The following NFXL1 variants were observed in gnomAD, a reference collection of about 807,000 sequenced individuals.
The protein encoded by NFXL1 is NF-X1-type zinc finger protein NFXL1.
Under a neutral mutation model 123.3 loss-of-function variants are expected in NFXL1, and 66 were observed. The observed-to-expected ratio is 0.54, with a 90% CI of 0.44 to 0.66. The LOEUF is 0.66. NFXL1 is among the 30% of genes least tolerant of loss of function. The pLI is 0.00. For synonymous variants in NFXL1, 346 were observed against 360.8 expected (o/e 0.96, Z 0.46); for missense variants, 944 against 1,125.6 (o/e 0.84, Z 2.31).
At chr4:47,901,453 A>G (rs1241251210) in intron 5 of NFXL1, among the ~76,000 whole-genome samples, 2 of 152,184 alleles carry the variant, frequency 1.3e-5, no homozygotes, top group East Asian at 1.9e-4. Context: ...AGAAGTGAGA[A>G]GAGCGAGGGT....
intron 3 of NFXL1, among the ~76,000 whole-genome samples, chr4:47,906,099 T>A (rs987232001): frequency 6.6e-6 from 1 of 152,180 alleles, no homozygotes; most frequent in African/African-American, 2.4e-5. Flanking sequence ...TATGCTGCAC[T>A]GCAGTGAGCA....
At chr4:47,859,481 T>G (rs929579762) in intron 19 of NFXL1, among the ~76,000 whole-genome samples, 1 of 152,144 alleles carries the variant, frequency 6.6e-6, no homozygotes, top group Non-Finnish European at 1.5e-5. Flanking sequence ...GTTAAATAAT[T>G]TTCCCAAGTA....
chr4:47,914,132 T>G lies in NFXL1; in HGVS notation c.72A>C (p.Ser24=). Residue 24 remains serine (S), a synonymous_variant, in exon 2 of 23, where the codon TCA becomes TCC. Transcript: ENST00000507489. ...RSRGRATAAP[S]GNGVHLRGAG... Reference sequence around the variant, plus strand: ...CGCCGCGGAGATGGACTCCATTTCCTGAGGGGGCGGCAGTGGCCCGTCCCC... The same window carrying G: ...CGCCGCGGAGATGGACTCCATTTCCGGAGGGGGCGGCAGTGGCCCGTCCCC... The G allele has an allele frequency of 6.4e-7, 1 of 1,552,782 alleles. No individual in the cohort carries two copies. Among genetic ancestry groups the G allele is most frequent in the Non-Finnish European group, 8.7e-7 (1 of 1,148,770 alleles).
At position 47,913,971 on chromosome 4, in the gene NFXL1, C is replaced by A. The variant is rs891239389; in HGVS notation, c.233G>T (p.Ser78Ile). ...GSQALQTTAA[S>I]ELMSQKKFEE... ...ACGCGGGCGGGAGCCATTCTCACCGCTGGCTGCGGTAGTCTGCAGGGCTTG... is the reference window on the plus strand; with the variant it reads ...ACGCGGGCGGGAGCCATTCTCACCGATGGCTGCGGTAGTCTGCAGGGCTTG... The change falls in exon 2 of 23, where the codon AGC (serine) becomes ATC (isoleucine). Residue 78 changes from serine to isoleucine, a missense_variant and splice_region_variant. Transcript: ENST00000507489. 2.6e-6 allele frequency: 4 copies of A among 1,543,298 alleles called. No individual in the cohort carries two copies. In the African/African-American group the frequency reaches 4.1e-5, roughly 16 times the overall value.
At chr4:47,887,303 G>A (rs1736496134) in intron 12 of NFXL1, among the ~76,000 whole-genome samples, 1 of 152,032 alleles carries the variant, frequency 6.6e-6, no homozygotes, top group Non-Finnish European at 1.5e-5. Context: ...AGCAAAACAT[G>A]GACCGGGAGT....
Position 47,896,557 on chromosome 4 carries a change from C to G in NFXL1, c.1295G>C (p.Arg432Pro). The change falls in exon 10 of 23, where the codon CGT becomes CCT. Residue 432 changes from arginine (R) to proline (P), a missense_variant. Arg to Pro is a moderately radical substitution (Grantham distance 103, BLOSUM62 -2). Coordinates refer to ENST00000507489, the MANE Select transcript of NFXL1 (RefSeq NM_001278624.2). ...LECGIHRCSQRCHRGPCETCR... is the reference protein window; with the variant it reads ...LECGIHRCSQPCHRGPCETCR... ...TGTTTCACAGGGACCTCGGTGACAA[C>G]GCTGTGAACATCTATGGATTCCGCA... The G allele has an allele frequency of 6.2e-7, 1 of 1,613,420 alleles. No homozygotes were observed. The highest frequency in any genetic ancestry group is 1.3e-5 in the African/African-American group (1 of 75,026).
At chr4:47,848,449 A>T (rs1733934319) in intron 22 of NFXL1, 113 bp from the exon 23 acceptor site, 5 of 742,674 alleles carry the variant, frequency 6.7e-6, no homozygotes, top group Non-Finnish European at 1.1e-5. Flanking sequence ...ATATATAGTC[A>T]ATATATTGAT....
At chr4:47,861,297 T>C (rs1734753347) in intron 19 of NFXL1, among the ~76,000 whole-genome samples, 1 of 152,192 alleles carries the variant, frequency 6.6e-6, no homozygotes, top group South Asian at 2.1e-4. Flanking sequence ...AATTCACCTG[T>C]CTACTCTTAG....
intron 18 of NFXL1, among the ~76,000 whole-genome samples, chr4:47,874,227 C>A (rs1003912992): frequency 4.6e-5 from 7 of 152,308 alleles, no homozygotes; most frequent in Middle Eastern, 3.4e-3. Context: ...TTTTCCTTTG[C>A]ATTCACAACG....
intron 5 of NFXL1, 52 bp from the exon 6 acceptor site, chr4:47,899,600 TGA>T: frequency 5.2e-6 from 6 of 1,158,966 alleles, no homozygotes; most frequent in Non-Finnish European, 7.7e-6. Context: ...AAAAGCAACA[TGA>T]GAGACAGAAA....
Position 47,868,334 on chromosome 4 carries a change from A to G in NFXL1, c.2247-5419T>C, listed in dbSNP as rs144204246. Among the ~76,000 whole-genome samples the G allele has an allele frequency of 2.5e-4, 37 of 150,908 alleles. No homozygotes were observed. In the East Asian group the frequency reaches 7.2e-3, roughly 29 times the overall value. The stretch of plus-strand genomic sequence containing the variant: ...ACTCCGTCTCAAAAAAAAAAAAAAT[A>G]GAAAAGAAAAAGAAAAAAAGGTCGG... On this transcript the variant is annotated intron_variant, in intron 18 of 22. Transcript: ENST00000507489.
Position 47,910,948 on chromosome 4 carries a change from T to G in NFXL1, c.282A>C (p.Gln94His), listed in dbSNP as rs1737804050. The G allele has an allele frequency of 2.5e-6, 4 of 1,608,190 alleles. No homozygotes were observed. The change falls in exon 3 of 23, where the codon CAA (glutamine) becomes CAC (histidine). Residue 94 changes from glutamine to histidine, a missense_variant. Physicochemically the swap from Gln to His is conservative, Grantham distance 24. Around this residue, in one of 4 missense-constraint regions of NFXL1, gnomAD observed 303 missense variants for 292.1 expected, o/e 1.04. Coordinates refer to ENST00000507489, the MANE Select transcript of NFXL1 (RefSeq NM_001278624.2). Reference protein sequence around the residue: ...KKFEEIKKANQAAARKLVEEQ... With the variant: ...KKFEEIKKANHAAARKLVEEQ... ...CTTCAACAAGTTTTCTGGCTGCAGC[T>G]TGGTTAGCTTTCTTGATTTCTTCAA... is the stretch of plus-strand genomic sequence containing the variant.
At chr4:47,898,410 T>C (rs1368503669) in intron 8 of NFXL1, among the ~76,000 whole-genome samples, 1 of 152,072 alleles carries the variant, frequency 6.6e-6, no homozygotes, top group Admixed American at 6.6e-5. Context: ...AAGCAACCTA[T>C]AAAATCAATC....
At chr4:47,890,585 T>A (rs749955530) in intron 12 of NFXL1, 28 bp downstream of exon 12, 45 of 1,252,730 alleles carry the variant, frequency 3.6e-5, no homozygotes, top group Admixed American at 5.2e-5. Flanking sequence ...ACTACAAACA[T>A]AAAATCATAG....
chr4:47,857,175 GTCAGGGTATT>G (rs1175635958), intron 19 of NFXL1, among the ~76,000 whole-genome samples: 15 of 152,246 alleles, frequency 9.9e-5, no homozygotes, highest in African/African-American at 3.6e-4. Context: ...TAACGATCAA[GTCAGGGTATT>G]TGAGGGTATT....
intron 19 of NFXL1, among the ~76,000 whole-genome samples, chr4:47,858,095 A>G (rs1734512551): frequency 6.6e-6 from 1 of 152,212 alleles, no homozygotes; most frequent in Non-Finnish European, 1.5e-5. Flanking sequence ...CATATGTCCC[A>G]CAGGCAAAAG....
At chr4:47,908,624 G>T (rs1302894419) in intron 3 of NFXL1, among the ~76,000 whole-genome samples, 1 of 136,358 alleles carries the variant, frequency 7.3e-6, no homozygotes. Flanking sequence ...CTTAGGATGT[G>T]GGGCCTTATG....
At chr4:47,855,235 A>G in intron 19 of NFXL1, 72 bp from the exon 20 acceptor site, 1 of 804,342 alleles carries the variant, frequency 1.2e-6, no homozygotes, top group Non-Finnish European at 2.1e-6. Flanking sequence ...CCATACCCCA[A>G]CAATTTTAAG....
chr4:47,882,696 T>C (rs1736187258), intron 15 of NFXL1, among the ~76,000 whole-genome samples: 1 of 148,118 alleles, frequency 6.8e-6, no homozygotes, highest in Non-Finnish European at 1.5e-5. Flanking sequence ...ATAAGTGGAA[T>C]TGTTTTCTTA....
Sources: allele counts gnomAD v4.1 joint callset (sites outside exome capture counted in the v4.1 genomes callset), GRCh38; gene constraint gnomAD v4.1.1; regional missense constraint gnomAD v4.1.1; transcripts MANE v1.5; gene names NCBI Gene and HGNC (gene_info 2026-07-23, HGNC 2026-07-21).